The following SLC1A2 variants were observed in gnomAD, a reference collection of about 807,000 sequenced individuals.
SLC1A2 encodes the protein excitatory amino acid transporter 2.
A neutral mutation model predicts 48.8 loss-of-function variants in SLC1A2; 15 were observed. That is an observed-to-expected ratio of 0.31 (90% CI 0.21 to 0.47). The LOEUF is 0.47. SLC1A2 is among the 20% of genes least tolerant of loss of function. SLC1A2 has a pLI of 0.99. For missense variants in SLC1A2, 502 were observed against 730.5 expected (o/e 0.69, Z 3.61); for synonymous variants, 279 against 272.6 (o/e 1.02, Z -0.23).
rs771542889 is a variant in SLC1A2 at position 35,317,498 on chromosome 11, C to T, written c.36G>A (p.Lys12=). Residue 12 remains lysine (K), a synonymous_variant, in exon 2 of 11, where the codon AAG becomes AAA. Coordinates refer to ENST00000278379, the MANE Select transcript of SLC1A2 (RefSeq NM_004171.4). The part of the protein sequence containing the change: ...ASTEGANNMP[K]QVEVRMHDSH... ...TGTCGTGCATTCGCACTTCCACCTG[C>T]TTGGGCATATTGTTGGCACTGGAAC... 14 of 1,613,832 alleles carry T rather than the reference C, an allele frequency of 8.7e-6. No individual in the cohort carries two copies. In the Admixed American group the frequency reaches 1.7e-4, roughly 19 times the overall value.
intron 1 of SLC1A2, 108 bp downstream of exon 1, chr11:35,418,842 A>G: frequency 1.0e-6 from 1 of 965,848 alleles, no homozygotes. Flanking sequence ...CTCCGCCACC[A>G]CCTCCGAGGC....
Position 35,253,948 on chromosome 11 carries a change from G to C in SLC1A2, c.*6946C>G, listed in dbSNP as rs901657987. On this transcript the variant is annotated 3_prime_UTR_variant, in exon 11 of 11. Transcript: ENST00000278379. ...TTAATATTAAACATATAACATCCAGGTCTATAAATACATTTTCTAATGCTC... is the reference window on the plus strand; with the variant it reads ...TTAATATTAAACATATAACATCCAGCTCTATAAATACATTTTCTAATGCTC... 1 of 152,314 alleles carries C rather than the reference G, an allele frequency of 6.6e-6. No homozygotes were observed. Among genetic ancestry groups the C allele is most frequent in the African/African-American group, 2.4e-5 (1 of 41,374 alleles). 9.4% of individuals were successfully genotyped at this position (152,314 alleles called of 1,614,324 possible).
At chr11:35,305,750 T>C (rs1851481809) in intron 5 of SLC1A2, among the ~76,000 whole-genome samples, 1 of 152,204 alleles carries the variant, frequency 6.6e-6, no homozygotes, top group African/African-American at 2.4e-5. Context: ...GCAATGGATG[T>C]GTCACTTAAT....
intron 4 of SLC1A2, among the ~76,000 whole-genome samples, chr11:35,310,433 G>C (rs947907414): frequency 1.3e-5 from 2 of 152,148 alleles, no homozygotes; most frequent in African/African-American, 2.4e-5. Flanking sequence ...GCTTATTTCT[G>C]TTTATTTCTG....
At chr11:35,306,361 G>A in intron 4 of SLC1A2, 119 bp from the exon 5 acceptor site, 2 of 674,236 alleles carry the variant, frequency 3.0e-6, no homozygotes, top group Non-Finnish European at 4.8e-6. Flanking sequence ...ATTAAGAAAT[G>A]CCAAAACAAG....
intron 1 of SLC1A2, 86 bp from the exon 2 acceptor site, chr11:35,317,602 G>A: frequency 1.4e-6 from 2 of 1,467,774 alleles, no homozygotes; most frequent in Non-Finnish European, 1.8e-6. Flanking sequence ...AACCTCTCCA[G>A]GCACAGTTGG....
At chr11:35,301,351 C>A (rs547071665) in intron 6 of SLC1A2, among the ~76,000 whole-genome samples, 168 bp downstream of exon 6, 1 of 152,314 alleles carries the variant, frequency 6.6e-6, no homozygotes, top group Admixed American at 6.5e-5. Context: ...TACACTTGTT[C>A]TAGGGGAAGC....
chr11:35,370,025 G>T (rs948223175), intron 1 of SLC1A2, among the ~76,000 whole-genome samples: 13 of 152,282 alleles, frequency 8.5e-5, no homozygotes, highest in African/African-American at 3.1e-4. Flanking sequence ...GCAGAACAGT[G>T]TGGGCAAAGG....
At chr11:35,410,792 T>C (rs1385764213) in intron 1 of SLC1A2, among the ~76,000 whole-genome samples, 1 of 152,312 alleles carries the variant, frequency 6.6e-6, no homozygotes, top group East Asian at 1.9e-4. Context: ...GTTCCAGAGC[T>C]CCTTGTGGGT....
intron 1 of SLC1A2, among the ~76,000 whole-genome samples, chr11:35,368,627 G>T (rs1295898708): frequency 6.6e-6 from 1 of 152,166 alleles, no homozygotes; most frequent in East Asian, 1.9e-4. Context: ...AAGCAGCAAG[G>T]GTTGTCATGA....
In SLC1A2 at chr11:35,294,073, G is replaced by A. The variant is rs567544344; in HGVS notation, c.858-1553C>T. On this transcript the variant is annotated intron_variant, in intron 6 of 10. Transcript: ENST00000278379. The stretch of plus-strand genomic sequence containing the variant: ...CTGAGTCCCGACAAAGGCATTCCTT[G>A]TAGGTTCTGTTTTCACACATGTACC... Among the ~76,000 whole-genome samples, 3 of 152,278 alleles carry A rather than the reference G, an allele frequency of 2.0e-5. No homozygotes were observed. The South Asian group carries it at 6.2e-4, about 32-fold the overall frequency.
intron 3 of SLC1A2, among the ~76,000 whole-genome samples, chr11:35,312,779 AT>A (rs1232145148): frequency 6.6e-6 from 1 of 152,104 alleles, no homozygotes; most frequent in African/African-American, 2.4e-5. Context: ...GTTATACTAT[AT>A]TTTTAACTTG....
intron 1 of SLC1A2, among the ~76,000 whole-genome samples, chr11:35,328,709 T>C (rs1234539069): frequency 5.9e-5 from 9 of 152,194 alleles, no homozygotes; most frequent in Non-Finnish European, 1.3e-4. Context: ...GTGATTTTGC[T>C]GTTGGGGGAT....
chr11:35,380,405 C>T, intron 1 of SLC1A2: 1 of 398,544 alleles, frequency 2.5e-6, no homozygotes, highest in Non-Finnish European at 4.4e-6. Context: ...GTCCTTGGGC[C>T]TCTTCATGGA....
chr11:35,302,010 C>T (rs1851371547), intron 5 of SLC1A2, among the ~76,000 whole-genome samples: 1 of 152,194 alleles, frequency 6.6e-6, no homozygotes, highest in Non-Finnish European at 1.5e-5. Flanking sequence ...CCTGTTGGGA[C>T]TTGGGGATTA....
At chr11:35,407,915 T>A (rs1234287930) in intron 1 of SLC1A2, among the ~76,000 whole-genome samples, 1 of 152,206 alleles carries the variant, frequency 6.6e-6, no homozygotes, top group African/African-American at 2.4e-5. Context: ...CCCTTACATC[T>A]GTAATACAAA....
At chr11:35,301,012 C>G (rs56140126) in intron 6 of SLC1A2, among the ~76,000 whole-genome samples, 32,875 of 152,020 alleles carry the variant, frequency 0.22, 3,906 homozygotes, top group Admixed American at 0.28. Flanking sequence ...GTGATAGAGT[C>G]AGACCCTGTC....
intron 1 of SLC1A2, chr11:35,418,695 A>C (rs1424989012): frequency 1.9e-6 from 1 of 525,964 alleles, no homozygotes; most frequent in Non-Finnish European, 3.4e-6. Context: ...TCACACTCTC[A>C]GGCCCCCAGC....
At chr11:35,330,869 C>T (rs1239249457) in intron 1 of SLC1A2, among the ~76,000 whole-genome samples, 1 of 152,170 alleles carries the variant, frequency 6.6e-6, no homozygotes, top group Non-Finnish European at 1.5e-5. Flanking sequence ...TGATTTTAGC[C>T]CAGTGAGACC....
Sources: gnomAD v4.1 joint callset for allele counts (sites outside exome capture counted in the v4.1 genomes callset) on GRCh38, gnomAD v4.1.1 for gene constraint, MANE v1.5 for transcripts, NCBI Gene and HGNC (gene_info 2026-07-23, HGNC 2026-07-21) for gene names.